Variants in MED15 observed in about 807,000 individuals in gnomAD.
MED15 encodes mediator complex subunit 15, also known as mediator of RNA polymerase II transcription subunit 15.
In MED15, 41 loss-of-function variants were observed where a neutral mutation model predicts 118.7. The observed-to-expected ratio is 0.35, with a 90% CI of 0.27 to 0.45. The LOEUF (loss-of-function observed/expected upper bound fraction) is 0.45. Ranked by LOEUF, MED15 falls within the 20% of genes least tolerant of loss-of-function variation. The pLI, the probability that MED15 is intolerant of heterozygous loss-of-function variation, is 1.00. For synonymous variants in MED15, 436 were observed against 413.9 expected (o/e 1.05, Z -0.65); for missense variants, 740 against 1,025.5 (o/e 0.72, Z 3.80).
chr22:20,575,433 T>C (rs758377965), intron 9 of MED15, among the ~76,000 whole-genome samples: 1 of 151,558 alleles, frequency 6.6e-6, no homozygotes, highest in Admixed American at 6.6e-5. Flanking sequence ...TGAATAAATA[T>C]CTGGGTCTTT....
intron 1 of MED15, among the ~76,000 whole-genome samples, chr22:20,526,611 A>T (rs79962566): frequency 0.028 from 4,293 of 152,188 alleles, 215 homozygotes; most frequent in African/African-American, 0.097. Context: ...TTTTCTGTGT[A>T]TCTATTCTTA....
chr22:20,514,932 T>C (rs1017523783), intron 1 of MED15, among the ~76,000 whole-genome samples: 1 of 152,242 alleles, frequency 6.6e-6, no homozygotes, highest in Non-Finnish European at 1.5e-5. Context: ...CTTCATAGCC[T>C]GGTTGTCACA....
rs560135981 is a variant in MED15, at chr22:20,515,146, G to A, written c.68+7400G>A. ...TGACCTGAGGGGACTTGAGCCCTCA[G>A]TCATCTGCTCAGGAGTTCAGGGCTT... On this transcript the variant is annotated intron_variant, in intron 1 of 17. Coordinates refer to ENST00000263205, the MANE Select transcript of MED15 (RefSeq NM_001003891.3). 1.1e-4 allele frequency among the ~76,000 whole-genome samples: 16 copies of A among 152,314 alleles called. No homozygotes were observed. The South Asian group carries it at 3.1e-3, about 30-fold the overall frequency.
intron 1 of MED15, among the ~76,000 whole-genome samples, chr22:20,510,610 C>T (rs770560973): frequency 6.6e-6 from 1 of 152,140 alleles, no homozygotes; most frequent in East Asian, 1.9e-4. Context: ...CTGAGGTGCC[C>T]TCTTTCCTTA....
Position 20,554,945 on chromosome 22 carries a change from A to G in MED15, c.248A>G (p.Asn83Ser), listed in dbSNP as rs567803374. The G allele has an allele frequency of 1.5e-5, 24 of 1,605,148 alleles. No homozygotes were observed. In the South Asian group the frequency reaches 2.4e-4, roughly 16 times the overall value. The change falls in exon 5 of 18, where the codon AAT (asparagine) becomes AGT (serine). Residue 83 changes from asparagine (N) to serine (S), a missense_variant. Coordinates refer to ENST00000263205, the MANE Select transcript of MED15 (RefSeq NM_001003891.3). The stretch of plus-strand genomic sequence containing the variant: ...CCTTGTGTTCCCACAGATCCTATGA[A>G]TGCACTCCAGAGCCTGACTGGCGGA... ...KSQASVSDPM[N>S]ALQSLTGGPA... is the part of the protein sequence containing the mutation.
chr22:20,551,092 C>T (rs755780071), intron 2 of MED15: 8 of 527,872 alleles, frequency 1.5e-5, no homozygotes, highest in South Asian at 4.6e-5. Flanking sequence ...CTCAGGCCAG[C>T]GCCTCATCAC....
chr22:20,537,621 C>A lies in MED15; in HGVS notation c.156+417C>A, dbSNP rs1053280707. On this transcript the variant is annotated intron_variant, in intron 2 of 17. Coordinates refer to ENST00000263205, the MANE Select transcript of MED15 (RefSeq NM_001003891.3). Reference sequence around the variant, plus strand: ...CATGGGCCCAGAAGCATTCCTGTCCCCTTTTGCTAAGTGAAGAAGGTGATG... The same window carrying A: ...CATGGGCCCAGAAGCATTCCTGTCCACTTTTGCTAAGTGAAGAAGGTGATG... 7.2e-5 allele frequency among the ~76,000 whole-genome samples: 11 copies of A among 152,350 alleles called. No individual in the cohort carries two copies. The East Asian group carries it at 1.5e-3, about 21-fold the overall frequency.
intron 5 of MED15, among the ~76,000 whole-genome samples, chr22:20,561,937 G>A (rs1485188293): frequency 6.6e-6 from 1 of 152,202 alleles, no homozygotes; most frequent in East Asian, 1.9e-4. Context: ...GCTGCAGTGA[G>A]CCATGATTGC....
chr22:20,534,177 T>C (rs1438136994), intron 1 of MED15, among the ~76,000 whole-genome samples: 1 of 151,936 alleles, frequency 6.6e-6, no homozygotes, highest in Admixed American at 6.6e-5. Context: ...CCCCACTCCT[T>C]ACACAGCCAG....
At chr22:20,507,878 C>T in intron 1 of MED15, 132 bp downstream of exon 1, 3 of 1,498,562 alleles carry the variant, frequency 2.0e-6, no homozygotes, top group Non-Finnish European at 2.7e-6. Context: ...TGCGTGGGTC[C>T]CAGGGCTCGG....
chr22:20,545,297 G>A (rs1375248417), intron 2 of MED15, among the ~76,000 whole-genome samples: 1 of 152,000 alleles, frequency 6.6e-6, no homozygotes, highest in Non-Finnish European at 1.5e-5. Flanking sequence ...TGGCCAACAT[G>A]GTGAAATCCT....
intron 9 of MED15, chr22:20,582,358 C>T (rs2146672450): frequency 6.9e-6 from 4 of 581,500 alleles, no homozygotes; most frequent in South Asian, 2.1e-5. Flanking sequence ...AAAGCCTGTG[C>T]CCCTGTGGGT....
intron 8 of MED15, among the ~76,000 whole-genome samples, chr22:20,569,015 T>C (rs2056546258): frequency 1.3e-5 from 2 of 152,174 alleles, no homozygotes. Flanking sequence ...GGAGGGCAGC[T>C]TTCTAGACAC....
chr22:20,548,612 A>G (rs2055649051), intron 2 of MED15, among the ~76,000 whole-genome samples: 1 of 152,154 alleles, frequency 6.6e-6, no homozygotes, highest in South Asian at 2.1e-4. Context: ...GTATCTTTCC[A>G]GTGTTTCTCA....
intron 2 of MED15, among the ~76,000 whole-genome samples, chr22:20,544,246 A>T (rs2055433652): frequency 6.6e-6 from 1 of 152,278 alleles, no homozygotes; most frequent in Non-Finnish European, 1.5e-5. Context: ...CAATTCTACT[A>T]GCCCTCCTTT....
chr22:20,541,454 A>G (rs750297210), intron 2 of MED15, among the ~76,000 whole-genome samples: 3 of 152,120 alleles, frequency 2.0e-5, no homozygotes, highest in African/African-American at 4.8e-5. Flanking sequence ...AAAAAAGACA[A>G]TAATAAGCGT....
At chr22:20,529,352 A>G (rs897017687) in intron 1 of MED15, among the ~76,000 whole-genome samples, 1 of 151,922 alleles carries the variant, frequency 6.6e-6, no homozygotes, top group African/African-American at 2.4e-5. Context: ...GGTTCAAGCG[A>G]TTCTCTTGCC....
At chr22:20,536,136 A>T (rs903918026) in intron 1 of MED15, among the ~76,000 whole-genome samples, 4 of 152,030 alleles carry the variant, frequency 2.6e-5, no homozygotes, top group African/African-American at 9.7e-5. Context: ...TCGGCCTCCC[A>T]AAGTGTTGGG....
intron 8 of MED15, among the ~76,000 whole-genome samples, chr22:20,569,869 C>T (rs165720): frequency 1.8e-3 from 271 of 152,260 alleles, no homozygotes; most frequent in Middle Eastern, 3.4e-3. Flanking sequence ...CCTCAGGCCT[C>T]GTGGGGGGGC....
Sources: gnomAD v4.1 joint callset for allele counts (sites outside exome capture counted in the v4.1 genomes callset) on GRCh38, gnomAD v4.1.1 for gene constraint, MANE v1.5 for transcripts, NCBI Gene and HGNC (gene_info 2026-07-23, HGNC 2026-07-21) for gene names.